The following SNX9 variants were observed in gnomAD, a reference collection of about 807,000 sequenced individuals.
The protein encoded by SNX9 is sorting nexin 9.
SNX9 carries 44 observed loss-of-function variants against 89.4 expected under a neutral mutation model. The observed-to-expected ratio is 0.49, with a 90% CI of 0.39 to 0.63. The LOEUF (loss-of-function observed/expected upper bound fraction) is 0.63. Among genes scored for constraint, SNX9 ranks in the 30% least tolerant of loss-of-function variants. SNX9 has a pLI of 0.00. For missense variants in SNX9, 578 were observed against 736.1 expected, an observed-to-expected ratio of 0.79 and a Z score of 2.49; for synonymous variants, 236 against 247.8, an observed-to-expected ratio of 0.95 and a Z score of 0.45.
intron 1 of SNX9, among the ~76,000 whole-genome samples, chr6:157,825,785 A>G (rs1781332155): frequency 6.6e-6 from 1 of 152,082 alleles, no homozygotes; most frequent in South Asian, 2.1e-4. Context: ...AATTGTTCCC[A>G]GAGAGTCAAG....
intron 1 of SNX9, among the ~76,000 whole-genome samples, chr6:157,847,618 G>A (rs1238223959): frequency 6.6e-6 from 1 of 152,114 alleles, no homozygotes; most frequent in Non-Finnish European, 1.5e-5. Flanking sequence ...TGCTGGGAAG[G>A]AGCCAGGCTA....
chr6:157,874,384 A>G (rs1162923746), intron 3 of SNX9: 1 of 152,268 alleles, frequency 6.6e-6, no homozygotes, highest in Non-Finnish European at 1.5e-5. Flanking sequence ...ATTGAGAAAA[A>G]TCTGAGAATT....
At chr6:157,831,888 A>G (rs545973328) in intron 1 of SNX9, among the ~76,000 whole-genome samples, 2 of 152,318 alleles carry the variant, frequency 1.3e-5, no homozygotes, top group African/African-American at 4.8e-5. Flanking sequence ...CTGTCAAGTG[A>G]AGGGAGTGGA....
chr6:157,895,212 C>T (rs1315734954), intron 4 of SNX9, among the ~76,000 whole-genome samples: 1 of 152,208 alleles, frequency 6.6e-6, no homozygotes, highest in African/African-American at 2.4e-5. Flanking sequence ...TTGTGCACAG[C>T]CTCAGCGAGC....
intron 1 of SNX9, among the ~76,000 whole-genome samples, chr6:157,828,204 A>T (rs1211583595): frequency 7.3e-6 from 1 of 136,414 alleles, no homozygotes; most frequent in Non-Finnish European, 1.6e-5. Flanking sequence ...TATGTGTCTT[A>T]AGTAGAGTGT....
chr6:157,863,372 A>G (rs747627488), intron 1 of SNX9, among the ~76,000 whole-genome samples: 6 of 152,190 alleles, frequency 3.9e-5, no homozygotes, highest in African/African-American at 7.2e-5. Flanking sequence ...GAATCCACTA[A>G]TGTTTATTTT....
chr6:157,869,177 C>G (rs1782336727), intron 2 of SNX9, among the ~76,000 whole-genome samples: 1 of 152,244 alleles, frequency 6.6e-6, no homozygotes, highest in Admixed American at 6.5e-5. Context: ...ACTGGCTGTC[C>G]TCTTGTGTCC....
intron 7 of SNX9, among the ~76,000 whole-genome samples, chr6:157,907,842 G>A (rs1016197133): frequency 2.0e-5 from 3 of 152,236 alleles, no homozygotes; most frequent in South Asian, 2.1e-4. Flanking sequence ...ACAGAGCCCC[G>A]TGAAATTGGG....
chr6:157,925,434 C>G (rs1432113515), intron 10 of SNX9, among the ~76,000 whole-genome samples: 2 of 151,984 alleles, frequency 1.3e-5, no homozygotes, highest in Non-Finnish European at 2.9e-5. Flanking sequence ...TTGGCATTTA[C>G]TGAAGTTGAA....
chr6:157,884,076 A>G (rs189880843), intron 4 of SNX9, among the ~76,000 whole-genome samples: 17 of 152,328 alleles, frequency 1.1e-4, no homozygotes, highest in Admixed American at 9.2e-4. Flanking sequence ...TGTGTTCTTA[A>G]CACCGACCAC....
intron 5 of SNX9, among the ~76,000 whole-genome samples, chr6:157,901,315 C>G (rs1312140083): frequency 6.6e-6 from 1 of 152,184 alleles, no homozygotes; most frequent in Non-Finnish European, 1.5e-5. Flanking sequence ...TGATTGTTTC[C>G]TTTGCTGTTC....
At chr6:157,939,289 A>G (rs542412793) in intron 16 of SNX9, among the ~76,000 whole-genome samples, 16 of 152,322 alleles carry the variant, frequency 1.1e-4, no homozygotes, top group South Asian at 6.2e-4. Flanking sequence ...AAAAGCCACA[A>G]AATTGTGGTG....
chr6:157,888,987 C>T (rs954249617), intron 4 of SNX9, among the ~76,000 whole-genome samples: 3 of 152,012 alleles, frequency 2.0e-5, no homozygotes, highest in African/African-American at 7.3e-5. Flanking sequence ...AGACATTGTC[C>T]TGTAAAAATT....
intron 1 of SNX9, among the ~76,000 whole-genome samples, chr6:157,826,955 G>C (rs1212502920): frequency 1.4e-5 from 1 of 74,034 alleles, no homozygotes; most frequent in Non-Finnish European, 2.3e-5. Context: ...ATATATTATA[G>C]TTTATATAAT....
chr6:157,903,022 T>G (rs1164207546), intron 6 of SNX9, among the ~76,000 whole-genome samples: 1 of 152,166 alleles, frequency 6.6e-6, no homozygotes, highest in East Asian at 1.9e-4. Flanking sequence ...CAGGAAAGCA[T>G]GTGGGCACCA....
chr6:157,899,943 G>T lies in SNX9; in HGVS notation c.473-1955G>T, dbSNP rs574166562. On this transcript the variant is annotated intron_variant, in intron 5 of 17. Transcript: ENST00000392185. ...TGCAAGTGCGTGCCTGTGGGTGTGTGTGTGGTAAGAGCACCTAAAATCTCC... is the reference window on the plus strand; with the variant it reads ...TGCAAGTGCGTGCCTGTGGGTGTGTTTGTGGTAAGAGCACCTAAAATCTCC... Among the ~76,000 whole-genome samples the T allele has an allele frequency of 1.2e-4, 18 of 152,210 alleles. 1 individual carries two copies. Among genetic ancestry groups the T allele is most frequent in the African/African-American group, 4.1e-4 (17 of 41,516 alleles).
intron 2 of SNX9, among the ~76,000 whole-genome samples, chr6:157,868,620 G>A (rs1782320929): frequency 6.6e-6 from 1 of 152,146 alleles, no homozygotes; most frequent in South Asian, 2.1e-4. Context: ...ATTTCTGTGT[G>A]ATACTTGTCT....
At chr6:157,913,500 A>G (rs1489783570) in intron 9 of SNX9, among the ~76,000 whole-genome samples, 2 of 152,036 alleles carry the variant, frequency 1.3e-5, no homozygotes, top group Non-Finnish European at 2.9e-5. Context: ...TTCAGGTTTC[A>G]TTTTTTAAAT....
intron 9 of SNX9, among the ~76,000 whole-genome samples, chr6:157,912,317 A>G (rs1454103629): frequency 1.3e-5 from 2 of 152,224 alleles, no homozygotes; most frequent in African/African-American, 4.8e-5. Flanking sequence ...AGAAATTCTC[A>G]TATCTTTTAG....
Sources: allele counts gnomAD v4.1 joint callset (sites outside exome capture counted in the v4.1 genomes callset), GRCh38; gene constraint gnomAD v4.1.1; transcripts MANE v1.5; gene names NCBI Gene and HGNC (gene_info 2026-07-23, HGNC 2026-07-21).